FRAS1: variants seen among roughly 807,000 people sequenced by gnomAD.
FRAS1 encodes the protein extracellular matrix organizing protein FRAS1.
FRAS1 carries 290 observed loss-of-function variants against 435.2 expected under a neutral mutation model. That is an observed-to-expected ratio of 0.67 (90% CI 0.61 to 0.73). The LOEUF (loss-of-function observed/expected upper bound fraction) is 0.73, where lower values mean the gene tolerates loss of function less well. FRAS1 is among the 30% of genes least tolerant of loss of function. The probability of loss-of-function intolerance (pLI) is 0.00; values close to 1 mark genes in which losing one functional copy is unlikely to be tolerated. For synonymous variants in FRAS1, 1,800 were observed against 1,851.0 expected (o/e 0.97, Z 0.71); for missense variants, 4,860 against 5,001.5 (o/e 0.97, Z 0.85).
intron 2 of FRAS1, among the ~76,000 whole-genome samples, chr4:78,184,569 T>C (rs1722191274): frequency 6.6e-6 from 1 of 152,198 alleles, no homozygotes; most frequent in African/African-American, 2.4e-5. Flanking sequence ...AAATATCAAC[T>C]AAATTCTGAC....
intron 18 of FRAS1, among the ~76,000 whole-genome samples, chr4:78,328,401 T>A (rs1729801566): frequency 6.6e-6 from 1 of 152,190 alleles, no homozygotes; most frequent in Non-Finnish European, 1.5e-5. Context: ...TCATCAGACA[T>A]ATATTTAGGT....
chr4:78,065,058 G>GTATATATATATATATATATATATA (rs34023994), intron 1 of FRAS1, among the ~76,000 whole-genome samples: 1 of 119,908 alleles, frequency 8.3e-6, no homozygotes, highest in African/African-American at 3.2e-5. Context: ...GTTTTATAGT[G>GTATATATATATATATATATATATA]TATATATATA....
chr4:78,477,831 G>T lies in FRAS1; in HGVS notation c.7868G>T (p.Arg2623Leu). 1 of 1,613,100 alleles carries T rather than the reference G, an allele frequency of 6.2e-7. No homozygotes were observed. The highest frequency in any genetic ancestry group is 8.5e-7 in the Non-Finnish European group (1 of 1,179,388). ...EYAGQVQFDE[R>L]EDTKSCTIVI... ...TTGTGACAGGTCCAGTTTGATGAGC[G>T]AGAGGACACCAAGTCCTGCACCATT... The change falls in exon 55 of 74, where the codon CGA becomes CTA. Residue 2623 changes from arginine to leucine, a missense_variant. Transcript: ENST00000512123.
intron 41 of FRAS1, among the ~76,000 whole-genome samples, chr4:78,442,824 C>T (rs1292719300): frequency 1.3e-5 from 2 of 152,186 alleles, no homozygotes; most frequent in Non-Finnish European, 2.9e-5. Context: ...TGGTGTGGGC[C>T]TGTGAATCTG....
chr4:78,511,392 A>G lies in FRAS1; in HGVS notation c.9899A>G (p.Asp3300Gly). 1.9e-6 allele frequency: 3 copies of G among 1,613,938 alleles called. No homozygotes were observed. The highest frequency in any genetic ancestry group is 2.5e-6 in the Non-Finnish European group (3 of 1,179,860). The change falls in exon 64 of 74, where the codon GAC becomes GGC. Residue 3300 changes from aspartate (D) to glycine (G), a missense_variant. Asp to Gly is a moderately conservative substitution (Grantham distance 94). Coordinates refer to ENST00000512123, the MANE Select transcript of FRAS1 (RefSeq NM_025074.7). ...AGCAACATTGTTACCATTGGAACAG[A>G]CAGTGCTATCTGCCACACACCAGTG... is the stretch of plus-strand genomic sequence containing the variant. ...LRSNIVTIGT[D>G]SAICHTPVVA...
Position 78,519,428 on chromosome 4 carries a change from A to G in FRAS1, c.10487A>G (p.His3496Arg). Residue 3496 changes from histidine (H) to arginine (R), a missense_variant, in exon 67 of 74, where the codon CAC becomes CGC. Physicochemically the swap from His to Arg is conservative, Grantham distance 29. Coordinates refer to ENST00000512123, the MANE Select transcript of FRAS1 (RefSeq NM_025074.7). ...TAPRGWASLEHHTEMEFSFFY... is the reference protein window; with the variant it reads ...TAPRGWASLERHTEMEFSFFY... The stretch of plus-strand genomic sequence containing the variant: ...CCCAGGGGCTGGGCCTCCTTGGAGC[A>G]CCACACCGAGATGGAGTTTTCTTTC... 1.2e-6 allele frequency: 2 copies of G among 1,612,022 alleles called. No individual in the cohort carries two copies. The highest frequency in any genetic ancestry group is 1.7e-6 in the Non-Finnish European group (2 of 1,179,246).
intron 2 of FRAS1, among the ~76,000 whole-genome samples, chr4:78,234,228 T>G (rs1724638808): frequency 6.6e-6 from 1 of 152,124 alleles, no homozygotes; most frequent in African/African-American, 2.4e-5. Context: ...TTTTATTTAT[T>G]TTTATTTATT....
intron 27 of FRAS1, among the ~76,000 whole-genome samples, chr4:78,382,604 G>A (rs1041052965): frequency 2.0e-5 from 3 of 152,170 alleles, no homozygotes; most frequent in Non-Finnish European, 4.4e-5. Context: ...ATGAAGGGAA[G>A]ATAGAAGAGA....
chr4:78,450,504 T>G, intron 45 of FRAS1, 165 bp downstream of exon 45: 1 of 620,852 alleles, frequency 1.6e-6, no homozygotes, highest in Non-Finnish European at 2.8e-6. Context: ...TTCTTTTTGT[T>G]TTTAAAAAAG....
chr4:78,479,676 G>A lies in FRAS1; in HGVS notation c.8401G>A (p.Val2801Met), dbSNP rs1301120274. 2.5e-6 allele frequency: 4 copies of A among 1,607,766 alleles called. No homozygotes were observed. Among genetic ancestry groups the A allele is most frequent in the Non-Finnish European group, 3.4e-6 (4 of 1,175,960 alleles). The change falls in exon 56 of 74, where the codon GTG becomes ATG. Residue 2801 changes from valine (V) to methionine (M), a missense_variant. By Grantham distance (21) the Val-to-Met change is conservative (BLOSUM62 1). Transcript: ENST00000512123. Reference sequence around the variant, plus strand: ...TAGTGGTCCCAACGATGCCTCGACTGTGTCCCTGGGCAACACGGCTTTCAC... The same window carrying A: ...TAGTGGTCCCAACGATGCCTCGACTATGTCCCTGGGCAACACGGCTTTCAC... ...LISGPNDASTVSLGNTAFTVS... is the reference protein window; with the variant it reads ...LISGPNDASTMSLGNTAFTVS...
At chr4:78,284,274 T>G (rs1307661291) in intron 12 of FRAS1, 131 bp from the exon 13 acceptor site, 3 of 558,396 alleles carry the variant, frequency 5.4e-6, no homozygotes, top group Non-Finnish European at 9.0e-6. Flanking sequence ...GGCTTTTTCC[T>G]AAGTCCCACA....
At chr4:78,311,763 G>A (rs992461425) in intron 15 of FRAS1, among the ~76,000 whole-genome samples, 2 of 152,220 alleles carry the variant, frequency 1.3e-5, no homozygotes, top group Non-Finnish European at 1.5e-5. Context: ...GTCAAGAGGT[G>A]TAAAGAGTCA....
intron 2 of FRAS1, among the ~76,000 whole-genome samples, chr4:78,112,809 C>CTTT (rs68065272): frequency 2.6e-4 from 39 of 151,152 alleles, no homozygotes; most frequent in African/African-American, 9.2e-4. Context: ...TAAATTTTTA[C>CTTT]TTTATTATTT....
At chr4:78,272,093 G>C (rs926773547) in intron 9 of FRAS1, among the ~76,000 whole-genome samples, 1 of 152,180 alleles carries the variant, frequency 6.6e-6, no homozygotes, top group South Asian at 2.1e-4. Context: ...TCATGTGTCT[G>C]TTGGCTGCAT....
chr4:78,068,586 G>T, intron 2 of FRAS1: 1 of 456,246 alleles, frequency 2.2e-6, no homozygotes, highest in Non-Finnish European at 4.4e-6. Context: ...TGCCAGAGAG[G>T]AGGAATGGCA....
chr4:78,068,491 AG>A, intron 2 of FRAS1: 1 of 455,984 alleles, frequency 2.2e-6, no homozygotes, highest in South Asian at 1.5e-5. Context: ...GAGATAGGTC[AG>A]GGAGGATGGC....
chr4:78,218,133 C>CACACACACACACACAA (rs1473736987), intron 2 of FRAS1, among the ~76,000 whole-genome samples: 4 of 133,680 alleles, frequency 3.0e-5, no homozygotes, highest in African/African-American at 1.2e-4. Context: ...CACACACACA[C>CACACACACACACACAA]AAGTTGTATT....
intron 2 of FRAS1, among the ~76,000 whole-genome samples, chr4:78,130,491 G>A (rs1719631403): frequency 6.6e-6 from 1 of 152,058 alleles, no homozygotes; most frequent in Non-Finnish European, 1.5e-5. Flanking sequence ...CACTTTTTAG[G>A]CGCCCTTGCC....
At chr4:78,203,344 A>G (rs945329016) in intron 2 of FRAS1, among the ~76,000 whole-genome samples, 49 of 152,204 alleles carry the variant, frequency 3.2e-4, no homozygotes, top group African/African-American at 1.1e-3. Flanking sequence ...GCCAATCCTC[A>G]TTATTTGTGG....
Sources: gnomAD v4.1 joint callset for allele counts (sites outside exome capture counted in the v4.1 genomes callset) on GRCh38, gnomAD v4.1.1 for gene constraint, MANE v1.5 for transcripts, NCBI Gene and HGNC (gene_info 2026-07-23, HGNC 2026-07-21) for gene names.